Variants in GRM7 observed in about 807,000 individuals in gnomAD.
GRM7 encodes the protein glutamate metabotropic receptor 7, also known as metabotropic glutamate receptor 7.
Under a neutral mutation model 84.5 loss-of-function variants are expected in GRM7, and 35 were observed. The observed-to-expected ratio is 0.41, with a 90% confidence interval of 0.32 to 0.55. The LOEUF (loss-of-function observed/expected upper bound fraction) is 0.55, where lower values mean the gene tolerates loss of function less well. Ranked by LOEUF, GRM7 falls within the 20% of genes least tolerant of loss-of-function variation. GRM7 has a pLI of 0.19. For missense variants in GRM7, 1,003 were observed against 1,194.6 expected (o/e 0.84, Z 2.36); for synonymous variants, 487 against 455.1 (o/e 1.07, Z -0.89).
intron 1 of GRM7, among the ~76,000 whole-genome samples, chr3:7,122,718 A>C (rs1693265667): frequency 6.6e-6 from 1 of 152,224 alleles, no homozygotes; most frequent in African/African-American, 2.4e-5. Flanking sequence ...ATTGTTGAAA[A>C]TAGGAAAAGA....
chr3:6,949,007 C>G (rs1281538240), intron 1 of GRM7, among the ~76,000 whole-genome samples: 2 of 152,144 alleles, frequency 1.3e-5, no homozygotes, highest in Non-Finnish European at 2.9e-5. Context: ...GACTCTTTAT[C>G]CAATTTGCCA....
At chr3:7,101,852 C>G (rs1699120428) in intron 1 of GRM7, among the ~76,000 whole-genome samples, 1 of 148,618 alleles carries the variant, frequency 6.7e-6, no homozygotes, top group Admixed American at 6.8e-5. Context: ...TGTATATATA[C>G]ACATTTTAGT....
At chr3:7,484,049 A>G (rs1420695058) in intron 7 of GRM7, among the ~76,000 whole-genome samples, 1 of 152,224 alleles carries the variant, frequency 6.6e-6, no homozygotes, top group Non-Finnish European at 1.5e-5. Flanking sequence ...CAAAGATTCA[A>G]AGATCTGATT....
chr3:7,645,650 A>T (rs552530068), intron 8 of GRM7, among the ~76,000 whole-genome samples: 1 of 152,132 alleles, frequency 6.6e-6, no homozygotes, highest in African/African-American at 2.4e-5. Flanking sequence ...TGAGCCACAG[A>T]GTCATAAGAC....
intron 7 of GRM7, among the ~76,000 whole-genome samples, chr3:7,468,988 G>T (rs1317822634): frequency 6.6e-6 from 1 of 152,098 alleles, no homozygotes; most frequent in Non-Finnish European, 1.5e-5. Context: ...ATCCATAATT[G>T]CTCAAAACGT....
chr3:7,069,750 A>T (rs1189845190), intron 1 of GRM7, among the ~76,000 whole-genome samples: 1 of 152,094 alleles, frequency 6.6e-6, no homozygotes, highest in Non-Finnish European at 1.5e-5. Flanking sequence ...CCAGCAACAC[A>T]TGGGTTGGGG....
At position 7,709,007 on chromosome 3, in the gene GRM7, A is replaced by T. The variant is rs917246813; in HGVS notation, c.2698+28712A>T. ...TCAATCACCAGGTCTTGTTGCTTTT[A>T]CCCGATACATTGTTTATCTCCTACC... is the stretch of plus-strand genomic sequence containing the variant. On this transcript the variant is annotated intron_variant, in intron 9 of 9. Coordinates refer to ENST00000357716, the MANE Select transcript of GRM7 (RefSeq NM_000844.4). 1.2e-4 allele frequency among the ~76,000 whole-genome samples: 19 copies of T among 152,112 alleles called. 1 individual carries two copies. Among genetic ancestry groups the T allele is most frequent in the African/African-American group, 4.6e-4 (19 of 41,504 alleles).
chr3:6,931,807 G>A (rs1183113404), intron 1 of GRM7, among the ~76,000 whole-genome samples: 2 of 152,236 alleles, frequency 1.3e-5, no homozygotes, highest in African/African-American at 2.4e-5. Flanking sequence ...ACTCAGCACA[G>A]ATGCCTGGAA....
At chr3:7,250,030 T>C (rs991442752) in intron 2 of GRM7, among the ~76,000 whole-genome samples, 3 of 152,258 alleles carry the variant, frequency 2.0e-5, no homozygotes, top group Admixed American at 2.0e-4. Flanking sequence ...TAGAAGTTAG[T>C]CGCACGGTCC....
chr3:6,897,584 A>T (rs1347928979), intron 1 of GRM7, among the ~76,000 whole-genome samples: 2 of 152,192 alleles, frequency 1.3e-5, no homozygotes, highest in Non-Finnish European at 2.9e-5. Flanking sequence ...TGCATTCAGG[A>T]GAGTGCCTGA....
At chr3:7,624,455 C>T (rs1470353277) in intron 8 of GRM7, among the ~76,000 whole-genome samples, 1 of 150,252 alleles carries the variant, frequency 6.7e-6, no homozygotes, top group South Asian at 2.1e-4. Flanking sequence ...ATTATACATA[C>T]ATATAAATAA....
At chr3:7,526,387 T>G (rs1700808165) in intron 7 of GRM7, among the ~76,000 whole-genome samples, 1 of 150,956 alleles carries the variant, frequency 6.6e-6, no homozygotes. Context: ...CTTTTTAATG[T>G]TTTTTTCCTT....
At position 7,104,064 on chromosome 3, in the gene GRM7, T is replaced by C. The variant is rs1294562460; in HGVS notation, c.520-42388T>C. Among the ~76,000 whole-genome samples the C allele has an allele frequency of 2.6e-5, 4 of 151,490 alleles. No homozygotes were observed. In the East Asian group the frequency reaches 5.8e-4, roughly 22 times the overall value. The stretch of plus-strand genomic sequence containing the variant: ...TGGAGATGGTACCTTTGGGAGATAA[T>C]TAGGTCTAAATGAGGTCATGAGGGT... On this transcript the variant is annotated intron_variant, in intron 1 of 9. Transcript: ENST00000357716.
At chr3:7,197,084 C>G (rs1179817093) in intron 2 of GRM7, among the ~76,000 whole-genome samples, 1 of 152,078 alleles carries the variant, frequency 6.6e-6, no homozygotes, top group Non-Finnish European at 1.5e-5. Context: ...CCACAATGTC[C>G]CATAAGATTC....
At chr3:7,482,157 C>A (rs1379739749) in intron 7 of GRM7, among the ~76,000 whole-genome samples, 2 of 152,154 alleles carry the variant, frequency 1.3e-5, no homozygotes, top group African/African-American at 4.8e-5. Context: ...CACTGCACTC[C>A]AGCCTGGGTG....
chr3:7,406,851 A>G (rs946006401), intron 4 of GRM7, among the ~76,000 whole-genome samples: 8 of 152,232 alleles, frequency 5.3e-5, no homozygotes, highest in Admixed American at 2.6e-4. Flanking sequence ...CACATTTTTT[A>G]TAGCTTTGGA....
intron 1 of GRM7, among the ~76,000 whole-genome samples, chr3:6,895,085 G>T (rs1020507742): frequency 1.3e-5 from 2 of 152,156 alleles, no homozygotes; most frequent in African/African-American, 2.4e-5. Flanking sequence ...CTTTGTCTAT[G>T]AACCAGAGAA....
chr3:7,356,638 T>C (rs750470135), intron 4 of GRM7, among the ~76,000 whole-genome samples: 1 of 152,100 alleles, frequency 6.6e-6, no homozygotes, highest in Non-Finnish European at 1.5e-5. Context: ...GTAGATAGGC[T>C]GACCCTTTTT....
intron 4 of GRM7, among the ~76,000 whole-genome samples, chr3:7,386,893 T>G (rs1291976520): frequency 6.6e-6 from 1 of 152,206 alleles, no homozygotes; most frequent in Non-Finnish European, 1.5e-5. Context: ...CAATGGTGCG[T>G]AAGTGTTCCC....
Sources: gnomAD v4.1 joint callset for allele counts (sites outside exome capture counted in the v4.1 genomes callset) on GRCh38, gnomAD v4.1.1 for gene constraint, MANE v1.5 for transcripts, NCBI Gene and HGNC (gene_info 2026-07-23, HGNC 2026-07-21) for gene names.